Variants in WDR97 observed in about 807,000 individuals in gnomAD.
WDR97 encodes WD repeat domain 97.
In WDR97, 111 loss-of-function variants were observed where a neutral mutation model predicts 65.4. That is an observed-to-expected ratio of 1.70 (90% CI 1.45 to 1.99). The LOEUF (loss-of-function observed/expected upper bound fraction) is 1.99. WDR97 is among the 30% of genes most tolerant of loss of function. The pLI is 0.00. For missense variants in WDR97, 1,674 were observed against 865.0 expected, an observed-to-expected ratio of 1.94 and a Z score of -11.73; for synonymous variants, 802 against 397.7, an observed-to-expected ratio of 2.02 and a Z score of -12.10.
intron 15 of WDR97, chr8:144,112,828 C>T (rs759219216): frequency 1.6e-5 from 8 of 485,228 alleles, no homozygotes; most frequent in African/African-American, 7.7e-5. Context: ...CCCTTTCCCC[C>T]GTGGAGGCGC....
At chr8:144,114,947 C>A in intron 21 of WDR97, 36 bp downstream of exon 21, 2 of 653,134 alleles carry the variant, frequency 3.1e-6, no homozygotes, top group South Asian at 1.7e-5. Context: ...CCTTGGGAAC[C>A]CTGTTGCCTT....
Position 144,111,772 on chromosome 8 carries a change from T to C in WDR97, c.2628T>C (p.Ser876=), listed in dbSNP as rs1483814792. 4.4e-6 allele frequency: 3 copies of C among 686,490 alleles called. No homozygotes were observed. The African/African-American group carries it at 5.3e-5, about 12-fold the overall frequency. 42.5% of individuals were successfully genotyped at this position (686,490 alleles called of 1,614,324 possible). The change falls in exon 12 of 24, where the codon TCT becomes TCC. Residue 876 remains serine (S), a synonymous_variant. Transcript: ENST00000323662. ...ATTACCTCCGTCTGATCTACGGCTC[T>C]GGCCTGCTGGTAGGTGTAGGGCCTC... The part of the protein sequence containing the change: ...FDNYLRLIYG[S]GLLGMQSGRG...
chr8:144,112,861 A>G (rs947862825), intron 15 of WDR97: 3 of 416,818 alleles, frequency 7.2e-6, no homozygotes, highest in South Asian at 8.2e-5. Flanking sequence ...TCCCCTAGGG[A>G]CTTTTCCTGG....
chr8:144,116,397 C>T lies in WDR97; in HGVS notation c.*104C>T. The T allele has an allele frequency of 1.8e-6, 1 of 558,682 alleles. No homozygotes were observed. The highest frequency in any genetic ancestry group is 3.2e-6 in the Non-Finnish European group (1 of 315,638). The allele number at this position is 558,682 out of a possible 1,614,324, so 34.6% of individuals were successfully genotyped here. A position where few individuals can be genotyped will look rare whatever the true frequency, so the allele number is the denominator to read the frequency against. On this transcript the variant is annotated 3_prime_UTR_variant, in exon 24 of 24. Coordinates refer to ENST00000323662, the MANE Select transcript of WDR97 (RefSeq NM_001316309.2). ...CCAGAGAATTTCTTTCTGCAGGATG[C>T]CGCCTGCTTTGGAGGGCCCCGGGGT...
In WDR97 at chr8:144,110,170, C is replaced by G; in HGVS notation, c.1757C>G (p.Ser586Trp). Residue 586 changes from serine (S) to tryptophan (W), a missense_variant, in exon 6 of 24, where the codon TCG (serine) becomes TGG (tryptophan). Transcript: ENST00000323662. The part of the protein sequence containing the change: ...DGTLSVLEWL[S>W]SKTVFQTEAH... Reference sequence around the variant, plus strand: ...ACGCTGTCGGTGCTGGAGTGGCTCTCGTCGAAGACTGTCTTCCAAACGGAG... The same window carrying G: ...ACGCTGTCGGTGCTGGAGTGGCTCTGGTCGAAGACTGTCTTCCAAACGGAG... The G allele has an allele frequency of 1.4e-6, 1 of 702,894 alleles. No individual in the cohort carries two copies. Among genetic ancestry groups the G allele is most frequent in the East Asian group, 2.7e-5 (1 of 37,288 alleles). The allele number at this position is 702,894 out of a possible 1,614,324, so 43.5% of individuals were successfully genotyped here. A position where few individuals can be genotyped will look rare whatever the true frequency, so the allele number is the denominator to read the frequency against.
In WDR97 at chr8:144,110,709, G is replaced by A. The variant is rs1304496487; in HGVS notation, c.2141G>A (p.Arg714His). ...TGCTCCAGCCTGGACTGCACCGTTCGCATCTGGACTGCTGAGAACCGCCTC... is the reference window on the plus strand; with the variant it reads ...TGCTCCAGCCTGGACTGCACCGTTCACATCTGGACTGCTGAGAACCGCCTC... ...YACSSLDCTV[R>H]IWTAENRLLR... Residue 714 changes from arginine to histidine, a missense_variant, in exon 8 of 24, where the codon CGC becomes CAC. Coordinates refer to ENST00000323662, the MANE Select transcript of WDR97 (RefSeq NM_001316309.2). 7.1e-6 allele frequency: 5 copies of A among 701,532 alleles called. No individual in the cohort carries two copies. Among genetic ancestry groups the A allele is most frequent in the Middle Eastern group, 4.6e-4 (2 of 4,368 alleles). 43.5% of individuals were successfully genotyped at this position (701,532 alleles called of 1,614,324 possible). A position where few individuals can be genotyped will look rare whatever the true frequency, so the allele number is the denominator to read the frequency against.
In WDR97 at chr8:144,108,659, C is replaced by T. The variant is rs1293563128; in HGVS notation, c.593C>T (p.Ala198Val). The change falls in exon 3 of 24, where the codon GCG becomes GTG. Residue 198 changes from alanine to valine, a missense_variant. Transcript: ENST00000323662. ...EQGVGRAPGW[A>V]PTCCLPVPDL... is the part of the protein sequence containing the mutation. ...GGGGTGGGCAGGGCCCCGGGTTGGG[C>T]GCCCACCTGCTGCCTGCCGGTTCCC... 1.4e-5 allele frequency: 10 copies of T among 700,542 alleles called. No individual in the cohort carries two copies. The highest frequency in any genetic ancestry group is 8.7e-5 in the African/African-American group (5 of 57,312). 43.4% of individuals were successfully genotyped at this position (700,542 alleles called of 1,614,324 possible).
Position 144,111,756 on chromosome 8 carries a change from G to A in WDR97, c.2612G>A (p.Arg871His), listed in dbSNP as rs866933144. The A allele has an allele frequency of 1.4e-4, 97 of 689,218 alleles. No homozygotes were observed. Among genetic ancestry groups the A allele is most frequent in the African/African-American group, 7.5e-4 (43 of 57,024 alleles). The allele number at this position is 689,218 out of a possible 1,614,324, so 42.7% of individuals were successfully genotyped here. A position where few individuals can be genotyped will look rare whatever the true frequency, so the allele number is the denominator to read the frequency against. The part of the protein sequence containing the change: ...QRQEGFDNYL[R>H]LIYGSGLLGM... ...CAGGAAGGCTTTGACAATTACCTCC[G>A]TCTGATCTACGGCTCTGGCCTGCTG... Residue 871 changes from arginine to histidine, a missense_variant, in exon 12 of 24, where the codon CGT becomes CAT. Transcript: ENST00000323662.
In WDR97 at chr8:144,115,529, G is replaced by A; in HGVS notation, c.4266G>A (p.Leu1422=). The A allele has an allele frequency of 1.4e-6, 1 of 697,414 alleles. No homozygotes were observed. The highest frequency in any genetic ancestry group is 2.6e-6 in the Non-Finnish European group (1 of 382,028). The allele number at this position is 697,414 out of a possible 1,614,324, so 43.2% of individuals were successfully genotyped here. A position where few individuals can be genotyped will look rare whatever the true frequency, so the allele number is the denominator to read the frequency against. ...CGGAGCTCCAGGCCCAGCGGATGCT[G>A]GCACCCAAGCGCAGCTGGGGGACCC... ...LAPELQAQRM[L]APKRSWGTPQ... Residue 1422 remains leucine (L), a synonymous_variant, in exon 22 of 24, where the codon CTG becomes CTA. Coordinates refer to ENST00000323662, the MANE Select transcript of WDR97 (RefSeq NM_001316309.2).
rs1253355302 is a variant in WDR97, at chr8:144,117,267, C to G, written c.*974C>G. 1 of 152,408 alleles carries G rather than the reference C, an allele frequency of 6.6e-6. No homozygotes were observed. Among genetic ancestry groups the G allele is most frequent in the Non-Finnish European group, 1.5e-5 (1 of 68,198 alleles). 9.4% of individuals were successfully genotyped at this position (152,408 alleles called of 1,614,324 possible). A position where few individuals can be genotyped will look rare whatever the true frequency, so the allele number is the denominator to read the frequency against. On this transcript the variant is annotated 3_prime_UTR_variant, in exon 24 of 24. Coordinates refer to ENST00000323662, the MANE Select transcript of WDR97 (RefSeq NM_001316309.2). ...CCCAGCTGAACCTGCCTCTTCACCT[C>G]CAGGCACTACCGCATCCTCCCACTG...
At position 144,108,382 on chromosome 8, in the gene WDR97, GTGGC is replaced by G; in HGVS notation, c.317_320del (p.Val106GlufsTer48). 1.4e-6 allele frequency: 1 copy of G among 697,710 alleles called. No individual in the cohort carries two copies. Among genetic ancestry groups the G allele is most frequent in the Non-Finnish European group, 2.6e-6 (1 of 383,128 alleles). 43.2% of individuals were successfully genotyped at this position (697,710 alleles called of 1,614,324 possible). ...GCTGGAACCACTGCGCCGCCTGGAG[GTGGC>G]AGCCGGGCTGCGCTCGGTGGCGCAG... is the stretch of plus-strand genomic sequence containing the variant. On this transcript the variant is annotated frameshift_variant, in exon 3 of 24. Coordinates refer to ENST00000323662, the MANE Select transcript of WDR97 (RefSeq NM_001316309.2). LOFTEE classifies it high-confidence loss of function.
chr8:144,111,298 C>T (rs1836543901), intron 10 of WDR97, 76 bp downstream of exon 10: 1 of 702,658 alleles, frequency 1.4e-6, no homozygotes, highest in South Asian at 1.5e-5. Context: ...GGTGTGGGGC[C>T]CTCTGGAGTT....
rs1419554669 is a variant in WDR97, at chr8:144,116,124, C to G, written c.4700C>G (p.Thr1567Ser). Residue 1567 changes from threonine (T) to serine (S), a missense_variant, in exon 24 of 24, where the codon ACC becomes AGC. By Grantham distance (58) the Thr-to-Ser change is moderately conservative. Coordinates refer to ENST00000323662, the MANE Select transcript of WDR97 (RefSeq NM_001316309.2). ...PMRSRLCAGR[T>S]LDGPIRTLKL... Reference sequence around the variant, plus strand: ...CGGTCCCGGCTCTGTGCGGGCCGCACCCTGGACGGCCCCATCCGGACGCTG... The same window carrying G: ...CGGTCCCGGCTCTGTGCGGGCCGCAGCCTGGACGGCCCCATCCGGACGCTG... 7 of 698,790 alleles carry G rather than the reference C, an allele frequency of 1.0e-5. No individual in the cohort carries two copies. In the Admixed American group the frequency reaches 1.4e-4, roughly 14 times the overall value. The allele number at this position is 698,790 out of a possible 1,614,324, so 43.3% of individuals were successfully genotyped here.
In WDR97 at chr8:144,111,553, C is replaced by G. The variant is rs1213413906; in HGVS notation, c.2487+67C>G. ...CCCCAGCCGTCAGCCCTGGGGCAGG[C>G]CTGGGATCCCCATGGTTGCCCGGGC... On this transcript the variant is annotated intron_variant, in intron 11 of 23. Coordinates refer to ENST00000323662, the MANE Select transcript of WDR97 (RefSeq NM_001316309.2). 7.3e-6 allele frequency: 5 copies of G among 688,306 alleles called. No homozygotes were observed. In the South Asian group the frequency reaches 7.7e-5, roughly 11 times the overall value. The allele number at this position is 688,306 out of a possible 1,614,324, so 42.6% of individuals were successfully genotyped here.
At position 144,107,806 on chromosome 8, in the gene WDR97, T is replaced by C. The variant is rs1836447903; in HGVS notation, c.56T>C (p.Leu19Pro). 4 of 702,848 alleles carry C rather than the reference T, an allele frequency of 5.7e-6. No individual in the cohort carries two copies. In the East Asian group the frequency reaches 8.0e-5, roughly 14 times the overall value. The allele number at this position is 702,848 out of a possible 1,614,324, so 43.5% of individuals were successfully genotyped here. The part of the protein sequence containing the change: ...EGYNLVLDSD[L>P]YDADGYDVPD... ...TACAACCTAGTTCTGGACTCGGACC[T>C]GTATGATGCGGATGGCTATGATGTC... Residue 19 changes from leucine to proline, a missense_variant, in exon 1 of 24, where the codon CTG becomes CCG. Coordinates refer to ENST00000323662, the MANE Select transcript of WDR97 (RefSeq NM_001316309.2).
chr8:144,111,847 C>T (rs978056311), intron 12 of WDR97, 40 bp from the exon 13 acceptor site: 1 of 700,316 alleles, frequency 1.4e-6, no homozygotes, highest in African/African-American at 1.8e-5. Context: ...ACCCCTCCCA[C>T]CTGGTCTCTG....
chr8:144,109,162 G>A lies in WDR97; in HGVS notation c.992G>A (p.Gly331Asp). ...TGGCAGATCCGGATGGTGTTCGTGG[G>A]CCACACAGGTGCTCTGAGTTCTCTG... ...ADWQIRMVFVGHTGPVTAMTV... is the reference protein window; with the variant it reads ...ADWQIRMVFVDHTGPVTAMTV... Residue 331 changes from glycine to aspartate, a missense_variant, in exon 4 of 24, where the codon GGC (glycine) becomes GAC (aspartate). Transcript: ENST00000323662. The A allele has an allele frequency of 1.4e-6, 1 of 702,924 alleles. No homozygotes were observed. The highest frequency in any genetic ancestry group is 2.6e-6 in the Non-Finnish European group (1 of 384,992). The allele number at this position is 702,924 out of a possible 1,614,324, so 43.5% of individuals were successfully genotyped here.
At position 144,112,539 on chromosome 8, in the gene WDR97, C is replaced by A; in HGVS notation, c.3105+9C>A. 1 of 702,634 alleles carries A rather than the reference C, an allele frequency of 1.4e-6. No homozygotes were observed. The highest frequency in any genetic ancestry group is 2.7e-5 in the East Asian group (1 of 37,282). 43.5% of individuals were successfully genotyped at this position (702,634 alleles called of 1,614,324 possible). A position where few individuals can be genotyped will look rare whatever the true frequency, so the allele number is the denominator to read the frequency against. ...CCGTGCAGCCCCACAAGGTGAGACC[C>A]CCTCCCAGCTCCTGGAGAGCCACTC... On this transcript the variant is annotated intron_variant, in intron 15 of 23. Coordinates refer to ENST00000323662, the MANE Select transcript of WDR97 (RefSeq NM_001316309.2).
chr8:144,115,951 C>T lies in WDR97; in HGVS notation c.4604C>T (p.Pro1535Leu), dbSNP rs1836648145. The change falls in exon 23 of 24, where the codon CCC becomes CTC. Residue 1535 changes from proline to leucine, a missense_variant. By Grantham distance (98) the Pro-to-Leu change is moderately conservative (BLOSUM62 -3). Transcript: ENST00000323662. The part of the protein sequence containing the change: ...VPPPREHWYH[P>L]ILRLQEAKPQ... ...CTCCTCTTTGCCTCCAGGTACCACC[C>T]CATCCTCCGGCTGCAGGAGGCCAAG... 4.3e-6 allele frequency: 3 copies of T among 701,102 alleles called. No homozygotes were observed. The highest frequency in any genetic ancestry group is 7.8e-6 in the Non-Finnish European group (3 of 384,434). The allele number at this position is 701,102 out of a possible 1,614,324, so 43.4% of individuals were successfully genotyped here. A position where few individuals can be genotyped will look rare whatever the true frequency, so the allele number is the denominator to read the frequency against.
Sources: allele counts gnomAD v4.1 joint callset, GRCh38; gene constraint gnomAD v4.1.1; transcripts MANE v1.5; gene names NCBI Gene and HGNC (gene_info 2026-07-23, HGNC 2026-07-21).